Variants in MANBA observed in about 807,000 individuals in gnomAD.
MANBA encodes beta-mannosidase.
In MANBA, 83 loss-of-function variants were observed where a neutral mutation model predicts 111.1. That is an observed-to-expected ratio of 0.75 (90% CI 0.63 to 0.90). MANBA has a LOEUF of 0.90. Among genes scored for constraint, MANBA ranks in the 40% least tolerant of loss-of-function variants. MANBA has a pLI of 0.00. For synonymous variants in MANBA, 370 were observed against 378.7 expected, an observed-to-expected ratio of 0.98 and a Z score of 0.27; for missense variants, 1,036 against 1,069.0, an observed-to-expected ratio of 0.97 and a Z score of 0.43.
chr4:102,685,525 G>GC (rs150472962), intron 7 of MANBA, among the ~76,000 whole-genome samples: 1,620 of 149,500 alleles, frequency 0.011, 25 homozygotes, highest in African/African-American at 0.039. Context: ...CGAAAACAGA[G>GC]CCCCCCATCC....
chr4:102,694,726 C>T (rs960094599), intron 5 of MANBA, among the ~76,000 whole-genome samples: 6 of 152,124 alleles, frequency 3.9e-5, no homozygotes, highest in African/African-American at 1.2e-4. Flanking sequence ...TCTGCATCCT[C>T]TCTTCACTTT....
intron 5 of MANBA, among the ~76,000 whole-genome samples, chr4:102,711,806 C>T (rs223508): frequency 0.3 from 44,846 of 151,946 alleles, 6,985 homozygotes; most frequent in Middle Eastern, 0.37. Context: ...TGAAATTAGA[C>T]AGAGAAAGAC....
chr4:102,749,275 A>G lies in MANBA; in HGVS notation c.177+11443T>C, dbSNP rs377366586. Among the ~76,000 whole-genome samples the G allele has an allele frequency of 2.0e-5, 3 of 152,208 alleles. No homozygotes were observed. In the South Asian group the frequency reaches 6.2e-4, roughly 31 times the overall value. On this transcript the variant is annotated intron_variant, in intron 1 of 16. Coordinates refer to ENST00000647097, the MANE Select transcript of MANBA (RefSeq NM_005908.4). Reference sequence around the variant, plus strand: ...TGCCATGAAGACATTCAGGTAGGAGAGTTGAACAGAATTTCTAGCTGGAAA... The same window carrying G: ...TGCCATGAAGACATTCAGGTAGGAGGGTTGAACAGAATTTCTAGCTGGAAA...
chr4:102,720,849 CAGG>C (rs1168354669), intron 4 of MANBA, among the ~76,000 whole-genome samples: 2 of 152,044 alleles, frequency 1.3e-5, no homozygotes, highest in African/African-American at 4.8e-5. Flanking sequence ...TTGAATCAAA[CAGG>C]AGGAGGTATA....
At chr4:102,685,097 T>A (rs1450329615) in intron 7 of MANBA, among the ~76,000 whole-genome samples, 1 of 152,092 alleles carries the variant, frequency 6.6e-6, no homozygotes, top group African/African-American at 2.4e-5. Flanking sequence ...TAGTGATGGA[T>A]GTCAGGATAG....
intron 7 of MANBA, among the ~76,000 whole-genome samples, chr4:102,688,041 G>C (rs1216306046): frequency 9.2e-5 from 14 of 152,148 alleles, no homozygotes; most frequent in African/African-American, 2.7e-4. Flanking sequence ...CAATAATACA[G>C]TCATATTAGC....
At chr4:102,726,310 A>C (rs775712822) in intron 2 of MANBA, among the ~76,000 whole-genome samples, 4 of 152,232 alleles carry the variant, frequency 2.6e-5, no homozygotes, top group Non-Finnish European at 5.9e-5. Flanking sequence ...AGCACTACAT[A>C]GGGCATAACC....
intron 12 of MANBA, 94 bp downstream of exon 12, chr4:102,657,588 T>A: frequency 9.8e-7 from 1 of 1,017,888 alleles, no homozygotes; most frequent in Non-Finnish European, 1.5e-6. Context: ...AAATAAGACG[T>A]AGGTTTCATA....
intron 12 of MANBA, among the ~76,000 whole-genome samples, chr4:102,654,969 G>A (rs1730497108): frequency 6.6e-6 from 1 of 152,050 alleles, no homozygotes; most frequent in African/African-American, 2.4e-5. Flanking sequence ...AATATTATTA[G>A]AGCTAATAAA....
chr4:102,746,162 T>G (rs1259484082), intron 1 of MANBA, among the ~76,000 whole-genome samples: 2 of 152,188 alleles, frequency 1.3e-5, no homozygotes, highest in East Asian at 3.8e-4. Flanking sequence ...AAAAGGTTCA[T>G]CAGAGTTAAC....
At chr4:102,723,824 C>T (rs1379199801) in intron 3 of MANBA, 38 bp downstream of exon 3, 4 of 1,169,706 alleles carry the variant, frequency 3.4e-6, no homozygotes, top group East Asian at 2.4e-5. Flanking sequence ...CATAAACACA[C>T]ATAAATTTTT....
chr4:102,748,785 C>T (rs1489083438), intron 1 of MANBA, among the ~76,000 whole-genome samples: 5 of 152,104 alleles, frequency 3.3e-5, no homozygotes, highest in East Asian at 1.9e-4. Context: ...TGGTGGCAGG[C>T]GCCTGTAATC....
intron 14 of MANBA, among the ~76,000 whole-genome samples, chr4:102,638,374 C>T (rs552623882): frequency 1.3e-5 from 2 of 152,114 alleles, no homozygotes; most frequent in East Asian, 3.9e-4. Context: ...TACAGTGAGC[C>T]ATGATTGCAC....
At chr4:102,753,238 G>C (rs959334394) in intron 1 of MANBA, among the ~76,000 whole-genome samples, 8 of 151,784 alleles carry the variant, frequency 5.3e-5, no homozygotes, top group Admixed American at 5.2e-4. Flanking sequence ...TGTTATATTT[G>C]TCTCTATATA....
At position 102,669,028 on chromosome 4, in the gene MANBA, C is replaced by A; in HGVS notation, c.1252G>T (p.Ala418Ser). Residue 418 changes from alanine (A) to serine (S), a missense_variant, in exon 10 of 17, where the codon GCC (alanine) becomes TCC (serine). Coordinates refer to ENST00000647097, the MANE Select transcript of MANBA (RefSeq NM_005908.4). ...GIMVWQDFMF[A>S]CALYPTDQGF... ...TGATCAGTTGGATAAAGGGCACAGG[C>A]AAACATAAAATCCTGCCATACCTAG... The A allele has an allele frequency of 1.2e-6, 2 of 1,613,088 alleles. No individual in the cohort carries two copies. The highest frequency in any genetic ancestry group is 1.7e-6 in the Non-Finnish European group (2 of 1,179,538).
rs1731796411 is a variant in MANBA, at chr4:102,677,945, A to G, written c.961-3875T>C. ...TACTTAATTCTCAGTTTTAATATTT[A>G]ATATGGTAAATATCGGTACATATAA... On this transcript the variant is annotated intron_variant, in intron 7 of 16. Coordinates refer to ENST00000647097, the MANE Select transcript of MANBA (RefSeq NM_005908.4). Among the ~76,000 whole-genome samples, 3 of 152,202 alleles carry G rather than the reference A, an allele frequency of 2.0e-5. 1 individual carries two copies. The South Asian group carries it at 6.2e-4, about 31-fold the overall frequency.
At chr4:102,694,136 G>T (rs994017531) in intron 5 of MANBA, among the ~76,000 whole-genome samples, 2 of 152,246 alleles carry the variant, frequency 1.3e-5, no homozygotes, top group African/African-American at 4.8e-5. Context: ...TTTGAACTTG[G>T]AAGGTTCTCG....
At chr4:102,657,431 T>C (rs1730613221) in intron 12 of MANBA, among the ~76,000 whole-genome samples, 2 of 152,196 alleles carry the variant, frequency 1.3e-5, no homozygotes. Flanking sequence ...TTTCCGTGTG[T>C]GATAATAAGT....
chr4:102,685,914 T>C (rs1732187744), intron 7 of MANBA, among the ~76,000 whole-genome samples: 1 of 24,200 alleles, frequency 4.1e-5, no homozygotes, highest in South Asian at 2.2e-3. Context: ...TTGAAGATTA[T>C]AGTAGATTGA....
Sources: gnomAD v4.1 joint callset for allele counts (sites outside exome capture counted in the v4.1 genomes callset) on GRCh38, gnomAD v4.1.1 for gene constraint, MANE v1.5 for transcripts, NCBI Gene and HGNC (gene_info 2026-07-23, HGNC 2026-07-21) for gene names.